The following CDC16 variants were observed in gnomAD, a reference collection of about 807,000 sequenced individuals.
The protein encoded by CDC16 is cell division cycle protein 16 homolog.
In CDC16, 34 loss-of-function variants were observed where a neutral mutation model predicts 87.0. The observed-to-expected ratio is 0.39, with a 90% CI of 0.30 to 0.52. The LOEUF (loss-of-function observed/expected upper bound fraction) is 0.52. CDC16 is among the 20% of genes least tolerant of loss of function. The probability of loss-of-function intolerance (pLI) is 0.74; values close to 1 mark genes in which losing one functional copy is unlikely to be tolerated. For missense variants in CDC16, 653 were observed against 751.9 expected (o/e 0.87, Z 1.54); for synonymous variants, 263 against 260.6 (o/e 1.01, Z -0.09).
Position 114,257,111 on chromosome 13 carries a change from A to G in CDC16, c.1131A>G (p.Glu377=), listed in dbSNP as rs773223874. ...TGCCTATGCTGTATATTGGATTAGA[A>G]TATGGTTTGACCAATAACTCAAAAC... ...CHLPMLYIGL[E]YGLTNNSKLA... Residue 377 remains glutamate (E), a synonymous_variant, in exon 13 of 18, where the codon GAA becomes GAG. Coordinates refer to ENST00000356221, the MANE Select transcript of CDC16 (RefSeq NM_001078645.3). 9 of 1,610,840 alleles carry G rather than the reference A, an allele frequency of 5.6e-6. No homozygotes were observed. The highest frequency in any genetic ancestry group is 3.3e-4 in the Middle Eastern group (2 of 6,058).
At chr13:114,238,415 C>G (rs899785696) in intron 3 of CDC16, among the ~76,000 whole-genome samples, 4 of 149,266 alleles carry the variant, frequency 2.7e-5, no homozygotes, top group Non-Finnish European at 5.9e-5. Flanking sequence ...CTCGGACGCC[C>G]AGCAGTTATT....
rs1354285034 is a variant in CDC16, at chr13:114,257,214, G to T, written c.1234G>T (p.Ala412Ser). The change falls in exon 13 of 18, where the codon GCA (alanine) becomes TCA (serine). Residue 412 changes from alanine to serine, a missense_variant. Physicochemically the swap from Ala to Ser is moderately conservative, Grantham distance 99 (BLOSUM62 1). Coordinates refer to ENST00000356221, the MANE Select transcript of CDC16 (RefSeq NM_001078645.3). ...PFVMHEVGVV[A>S]FQNGEWKTAE... The stretch of plus-strand genomic sequence containing the variant: ...TGTTATGCATGAGGTCGGCGTGGTT[G>T]CATTTCAGAATGGAGAGTAAGTACT... The T allele has an allele frequency of 1.2e-6, 2 of 1,609,400 alleles. No homozygotes were observed. Among genetic ancestry groups the T allele is most frequent in the Middle Eastern group, 1.7e-4 (1 of 6,056 alleles).
At chr13:114,251,642 G>A (rs2082184935) in intron 12 of CDC16, among the ~76,000 whole-genome samples, 1 of 152,158 alleles carries the variant, frequency 6.6e-6, no homozygotes, top group Non-Finnish European at 1.5e-5. Context: ...TAGCTCCTTA[G>A]CTGTATTAGT....
chr13:114,261,466 C>T (rs2082857750), intron 14 of CDC16, among the ~76,000 whole-genome samples: 1 of 151,998 alleles, frequency 6.6e-6, no homozygotes, highest in African/African-American at 2.4e-5. Context: ...CATTCACTGA[C>T]TGGAGGGGCA....
intron 13 of CDC16, among the ~76,000 whole-genome samples, chr13:114,258,362 T>C (rs988264628): frequency 1.3e-5 from 2 of 152,212 alleles, no homozygotes; most frequent in Non-Finnish European, 2.9e-5. Context: ...AGCTGGAGTC[T>C]AAGAAGGCAA....
intron 16 of CDC16, 124 bp downstream of exon 16, chr13:114,263,138 T>TA: frequency 1.3e-6 from 1 of 794,316 alleles, no homozygotes; most frequent in Non-Finnish European, 2.0e-6. Flanking sequence ...CCTTACGTGT[T>TA]ATTCTTTTCT....
At chr13:114,243,371 C>T (rs1555355160) in intron 7 of CDC16, 23 bp downstream of exon 7, 7 of 1,113,300 alleles carry the variant, frequency 6.3e-6, no homozygotes, top group Non-Finnish European at 6.9e-6. Context: ...AAAGAGTTAG[C>T]ACTTGCTTTA....
At chr13:114,250,796 T>A in intron 12 of CDC16, 122 bp downstream of exon 12, 1 of 936,504 alleles carries the variant, frequency 1.1e-6, no homozygotes, top group Non-Finnish European at 1.6e-6. Flanking sequence ...ACTTGCCTTT[T>A]AATCTAGTTG....
intron 14 of CDC16, among the ~76,000 whole-genome samples, 158 bp downstream of exon 14, chr13:114,259,556 T>C (rs1443525757): frequency 5.3e-5 from 8 of 152,252 alleles, no homozygotes; most frequent in Admixed American, 3.9e-4. Flanking sequence ...TTAACTGTTT[T>C]ACCACATGGT....
chr13:114,263,374 T>C (rs1215505753), intron 16 of CDC16, among the ~76,000 whole-genome samples: 1 of 152,162 alleles, frequency 6.6e-6, no homozygotes, highest in Admixed American at 6.5e-5. Context: ...AACAAAACAG[T>C]CTCTGCAGTC....
rs771095060 is a variant in CDC16, at chr13:114,244,997, T to C, written c.847+28T>C. ...AAGACTTTTTTTTAAATTAAAGTAA[T>C]TCTTAGACATAAAACAAATCTTTTC... On this transcript the variant is annotated intron_variant, in intron 9 of 17. Coordinates refer to ENST00000356221, the MANE Select transcript of CDC16 (RefSeq NM_001078645.3). The C allele has an allele frequency of 5.4e-6, 7 of 1,301,594 alleles. No homozygotes were observed. The East Asian group carries it at 1.7e-4, about 31-fold the overall frequency. The allele number at this position is 1,301,594 out of a possible 1,614,324, so 80.6% of individuals were successfully genotyped here.
intron 12 of CDC16, among the ~76,000 whole-genome samples, chr13:114,254,589 T>C (rs1173536054): frequency 6.6e-6 from 1 of 152,196 alleles, no homozygotes; most frequent in South Asian, 2.1e-4. Context: ...AGATCTGTTA[T>C]TATTATTTAT....
At chr13:114,250,423 C>T (rs184450856) in intron 11 of CDC16, 126 bp from the exon 12 acceptor site, 385 of 756,450 alleles carry the variant, frequency 5.1e-4, no homozygotes, top group African/African-American at 1.5e-3. Context: ...TATCTGGAGG[C>T]GGAGGCTGCA....
At chr13:114,242,356 C>T (rs1450925042) in intron 6 of CDC16, 76 bp downstream of exon 6, 1 of 1,376,498 alleles carries the variant, frequency 7.3e-7, no homozygotes, top group Non-Finnish European at 1.0e-6. Context: ...CTGAAATCTT[C>T]TAAGTCAACA....
chr13:114,238,298 G>C (rs1009223286), intron 3 of CDC16, among the ~76,000 whole-genome samples: 2 of 138,492 alleles, frequency 1.4e-5, no homozygotes, highest in African/African-American at 2.9e-5. Context: ...CTCCTCGGAC[G>C]CCCAGCAGTT....
chr13:114,238,287 G>A lies in CDC16; in HGVS notation c.202-703G>A, dbSNP rs996724470. 1.9e-4 allele frequency among the ~76,000 whole-genome samples: 26 copies of A among 135,132 alleles called. No individual in the cohort carries two copies. In the South Asian group the frequency reaches 6.1e-3, roughly 32 times the overall value. The allele number at this position is 135,132 out of a possible 152,430, so 88.7% of individuals were successfully genotyped here. The stretch of plus-strand genomic sequence containing the variant: ...AGTGCCTGAAGTGGAGCTGCTGTGA[G>A]CTCCTCGGACGCCCAGCAGTTATTC... On this transcript the variant is annotated intron_variant, in intron 3 of 17. Coordinates refer to ENST00000356221, the MANE Select transcript of CDC16 (RefSeq NM_001078645.3).
At chr13:114,270,948 GTCTC>G (rs2083595840) in intron 17 of CDC16, among the ~76,000 whole-genome samples, 3 of 120,450 alleles carry the variant, frequency 2.5e-5, no homozygotes, top group African/African-American at 9.7e-5. Flanking sequence ...TTGAGACACA[GTCTC>G]TCTCTGTCAC....
At chr13:114,239,526 G>A (rs1389192925) in intron 5 of CDC16, 36 bp downstream of exon 5, 3 of 1,486,124 alleles carry the variant, frequency 2.0e-6, no homozygotes, top group Admixed American at 3.9e-5. Context: ...AGTAACGGCG[G>A]CGAGAATTGC....
At position 114,246,959 on chromosome 13, in the gene CDC16, A is replaced by G. The variant is rs756028155; in HGVS notation, c.926A>G (p.Tyr309Cys). ...PVSWFAVGCY[Y>C]LMVGHKNEHA... ...TCTTGGTTTGCAGTGGGATGTTACT[A>G]TCTCATGGTCGGTCATAAAAATGAA... The change falls in exon 11 of 18, where the codon TAT becomes TGT. Residue 309 changes from tyrosine to cysteine, a missense_variant. Physicochemically the swap from Tyr to Cys is radical, Grantham distance 194. Transcript: ENST00000356221. The G allele has an allele frequency of 5.0e-6, 8 of 1,613,068 alleles. No individual in the cohort carries two copies. The highest frequency in any genetic ancestry group is 2.2e-5 in the East Asian group (1 of 44,868).
Sources: gnomAD v4.1 joint callset for allele counts (sites outside exome capture counted in the v4.1 genomes callset) on GRCh38, gnomAD v4.1.1 for gene constraint, MANE v1.5 for transcripts, NCBI Gene and HGNC (gene_info 2026-07-23, HGNC 2026-07-21) for gene names.